The following SLC16A1 variants were observed in gnomAD, a reference collection of about 807,000 sequenced individuals.
SLC16A1 encodes the protein solute carrier family 16 member 1, also known as monocarboxylate transporter 1.
A neutral mutation model predicts 32.2 loss-of-function variants in SLC16A1; 11 were observed. The observed-to-expected ratio is 0.34, with a 90% CI of 0.21 to 0.56. The LOEUF is 0.56. SLC16A1 is among the 20% of genes least tolerant of loss of function. The pLI is 0.87. For missense variants in SLC16A1, 435 were observed against 615.0 expected (o/e 0.71, Z 3.10); for synonymous variants, 231 against 226.8 (o/e 1.02, Z -0.17).
intron 1 of SLC16A1, among the ~76,000 whole-genome samples, chr1:112,944,340 T>A (rs1649617073): frequency 6.6e-6 from 1 of 152,096 alleles, no homozygotes; most frequent in Non-Finnish European, 1.5e-5. Context: ...TGGTCCCAGC[T>A]ACATGGGAGG....
rs1648829289 is a variant in SLC16A1 at position 112,923,860 on chromosome 1, T to C, written c.218-1727A>G. ...ACCCTGCCCACTGTGTACCAGGGCA[T>C]GTACAACGCCACCACCCAGCAGGTG... On this transcript the variant is annotated intron_variant, in intron 2 of 4. Transcript: ENST00000369626. 1.3e-5 allele frequency: 19 copies of C among 1,515,636 alleles called. No individual in the cohort carries two copies. The Admixed American group carries it at 2.3e-4, about 19-fold the overall frequency. 93.9% of individuals were successfully genotyped at this position (1,515,636 alleles called of 1,614,324 possible).
intron 1 of SLC16A1, among the ~76,000 whole-genome samples, chr1:112,940,574 G>T (rs1009283589): frequency 4.0e-5 from 6 of 151,806 alleles, no homozygotes; most frequent in African/African-American, 9.7e-5. Flanking sequence ...GTTTTTTTCA[G>T]CACTACAGTA....
At chr1:112,942,415 T>G (rs527777886) in intron 1 of SLC16A1, among the ~76,000 whole-genome samples, 3 of 152,216 alleles carry the variant, frequency 2.0e-5, no homozygotes, top group African/African-American at 7.2e-5. Context: ...TGAAGGCATG[T>G]GGACATAAAG....
At chr1:112,920,603 C>A (rs1648689017) in intron 3 of SLC16A1, among the ~76,000 whole-genome samples, 1 of 150,214 alleles carries the variant, frequency 6.7e-6, no homozygotes, top group Non-Finnish European at 1.5e-5. Context: ...GAAACTGTGT[C>A]TCAAAAAAAC....
intron 1 of SLC16A1, among the ~76,000 whole-genome samples, chr1:112,934,490 A>G (rs1649232531): frequency 6.6e-6 from 1 of 152,232 alleles, no homozygotes; most frequent in Non-Finnish European, 1.5e-5. Flanking sequence ...TACTCATCAA[A>G]GTATACATTC....
At position 112,922,152 on chromosome 1, in the gene SLC16A1, T is replaced by C; in HGVS notation, c.218-19A>G. 1 of 1,613,254 alleles carries C rather than the reference T, an allele frequency of 6.2e-7. No individual in the cohort carries two copies. Among genetic ancestry groups the C allele is most frequent in the Non-Finnish European group, 8.5e-7 (1 of 1,179,700 alleles). ...ATAGGACCTAAAAGACAACCAAAAATGTAGTAATATAAAGGAAACTGCTCC... is the reference window on the plus strand; with the variant it reads ...ATAGGACCTAAAAGACAACCAAAAACGTAGTAATATAAAGGAAACTGCTCC... On this transcript the variant is annotated intron_variant, in intron 2 of 4. Transcript: ENST00000369626.
At chr1:112,940,777 A>C (rs1649480386) in intron 1 of SLC16A1, among the ~76,000 whole-genome samples, 1 of 152,200 alleles carries the variant, frequency 6.6e-6, no homozygotes, top group Non-Finnish European at 1.5e-5. Flanking sequence ...AATTTTGATC[A>C]AGGATGTCAA....
intron 1 of SLC16A1, among the ~76,000 whole-genome samples, chr1:112,930,969 TTGGCCTCCCAAAG>T (rs1436974052): frequency 1.3e-5 from 2 of 152,190 alleles, no homozygotes; most frequent in Non-Finnish European, 2.9e-5. Context: ...TCCACCCACC[TTGGCCTCCCAAAG>T]TGCTGGGATT....
At chr1:112,930,946 T>C (rs1649107458) in intron 1 of SLC16A1, among the ~76,000 whole-genome samples, 1 of 152,212 alleles carries the variant, frequency 6.6e-6, no homozygotes, top group Non-Finnish European at 1.5e-5. Context: ...CTCGAACTCC[T>C]GACCTCAGGT....
chr1:112,950,976 G>A (rs929399471), intron 1 of SLC16A1, among the ~76,000 whole-genome samples: 2 of 151,878 alleles, frequency 1.3e-5, no homozygotes, highest in Admixed American at 6.6e-5. Flanking sequence ...CAGCCTGGGC[G>A]ACAGAGTGAA....
chr1:112,918,276 T>C (rs549385060), intron 3 of SLC16A1, among the ~76,000 whole-genome samples: 1 of 152,282 alleles, frequency 6.6e-6, no homozygotes, highest in African/African-American at 2.4e-5. Context: ...TGCTTCCTAA[T>C]ATGTAAAACG....
chr1:112,922,299 T>C (rs1426734294), intron 2 of SLC16A1, 166 bp from the exon 3 acceptor site: 28 of 665,908 alleles, frequency 4.2e-5, no homozygotes, highest in Non-Finnish European at 7.1e-5. Context: ...AAAATAAAGA[T>C]GTTAGAAAAC....
chr1:112,921,845 C>G, intron 3 of SLC16A1, 145 bp downstream of exon 3: 1 of 985,540 alleles, frequency 1.0e-6, no homozygotes, highest in Non-Finnish European at 1.5e-6. Context: ...TTTTCTAGTA[C>G]TTTTATCTCT....
Position 112,930,908 on chromosome 1 carries a change from G to A in SLC16A1, c.-44-1556C>T, listed in dbSNP as rs377308386. 1.2e-4 allele frequency among the ~76,000 whole-genome samples: 18 copies of A among 152,146 alleles called. No homozygotes were observed. The East Asian group carries it at 2.5e-3, about 21-fold the overall frequency. On this transcript the variant is annotated intron_variant, in intron 1 of 4. Coordinates refer to ENST00000369626, the MANE Select transcript of SLC16A1 (RefSeq NM_003051.4). ...TGATTTTTGTATTTTTAGTAGAGAC[G>A]GGGTTTGGCCATGTTGGCCAGGCTG...
intron 2 of SLC16A1, among the ~76,000 whole-genome samples, chr1:112,927,795 G>A (rs1204447968): frequency 6.6e-6 from 1 of 152,172 alleles, no homozygotes. Flanking sequence ...ACTTACTTTT[G>A]ATGCAAAACA....
At chr1:112,928,078 CTTTAA>C (rs1440392874) in intron 2 of SLC16A1, among the ~76,000 whole-genome samples, 1 of 152,064 alleles carries the variant, frequency 6.6e-6, no homozygotes, top group Non-Finnish European at 1.5e-5. Flanking sequence ...CACTTAGGTT[CTTTAA>C]TTTGATAGAC....
rs1226416477 is a variant in SLC16A1 at position 112,917,330 on chromosome 1, T to A, written c.1076A>T (p.Tyr359Phe). 3.1e-6 allele frequency: 5 copies of A among 1,614,162 alleles called. No individual in the cohort carries two copies. Among genetic ancestry groups the A allele is most frequent in the Non-Finnish European group, 4.2e-6 (5 of 1,180,032 alleles). ...GAAGGCAAATCCAAAGAATCCCGCA[T>A]AGACACAGAATCCAACATAGGTAGT... ...LSTTYVGFCVYAGFFGFAFGW... is the reference protein window; with the variant it reads ...LSTTYVGFCVFAGFFGFAFGW... Residue 359 changes from tyrosine (Y) to phenylalanine (F), a missense_variant, in exon 4 of 5, where the codon TAT (tyrosine) becomes TTT (phenylalanine). Transcript: ENST00000369626. The surrounding 1 kb of genome is among the most constrained non-coding windows in gnomAD (Gnocchi z 4.1).
At chr1:112,953,588 G>A (rs1338762658) in intron 1 of SLC16A1, among the ~76,000 whole-genome samples, 2 of 152,006 alleles carry the variant, frequency 1.3e-5, no homozygotes, top group Non-Finnish European at 2.9e-5. Flanking sequence ...TGGCTTACAA[G>A]GCCCTCCATT....
intron 1 of SLC16A1, among the ~76,000 whole-genome samples, chr1:112,942,934 AGAT>A: frequency 6.6e-6 from 1 of 152,336 alleles, no homozygotes; most frequent in African/African-American, 2.4e-5. Context: ...TAATGAACAT[AGAT>A]ATACATATAT....
Sources: allele counts gnomAD v4.1 joint callset (sites outside exome capture counted in the v4.1 genomes callset), GRCh38; gene constraint gnomAD v4.1.1; non-coding constraint Gnocchi (gnomAD v3.1); transcripts MANE v1.5; gene names NCBI Gene and HGNC (gene_info 2026-07-23, HGNC 2026-07-21).